TMEM40: variants seen among roughly 807,000 people sequenced by gnomAD.
The protein encoded by TMEM40 is transmembrane protein 40.
In TMEM40, 34 loss-of-function variants were observed where a neutral mutation model predicts 40.8. That is an observed-to-expected ratio of 0.83 (90% CI 0.63 to 1.11). TMEM40 has a LOEUF of 1.11. TMEM40 is among the 50% of genes least tolerant of loss of function. TMEM40 has a pLI of 0.00. For missense variants in TMEM40, 296 were observed against 280.2 expected (o/e 1.06, Z -0.40); for synonymous variants, 106 against 107.0 (o/e 0.99, Z 0.06).
At chr3:12,747,286 A>T (rs2061436644) in intron 3 of TMEM40, among the ~76,000 whole-genome samples, 1 of 151,872 alleles carries the variant, frequency 6.6e-6, no homozygotes, top group East Asian at 1.9e-4. Flanking sequence ...GCTCTGGTTG[A>T]GGAGGATTAG....
At chr3:12,742,541 C>G (rs777828416) in intron 4 of TMEM40, 34 bp from the exon 5 acceptor site, 3 of 1,610,914 alleles carry the variant, frequency 1.9e-6, no homozygotes, top group South Asian at 2.2e-5. Flanking sequence ...TCAGCACTCC[C>G]CAAACACAGT....
chr3:12,737,782 T>A, intron 7 of TMEM40, 28 bp from the exon 8 acceptor site: 1 of 1,606,798 alleles, frequency 6.2e-7, no homozygotes, highest in South Asian at 1.1e-5. Context: ...GATGAATATT[T>A]AACTTTGATG....
intron 1 of TMEM40, among the ~76,000 whole-genome samples, chr3:12,766,536 A>G (rs2061595299): frequency 6.6e-6 from 1 of 151,356 alleles, no homozygotes; most frequent in African/African-American, 2.4e-5. Flanking sequence ...TGGAGCTTGC[A>G]GTGAGCCGAG....
Position 12,734,487 on chromosome 3 carries a change from C to T in TMEM40, c.*287G>A, listed in dbSNP as rs1415193203. ...CCTTGCTGTCCTCTGAGAGCAGTGA[C>T]CTCCCAGAATCTTCCTGCTGGTCCA... On this transcript the variant is annotated 3_prime_UTR_variant, in exon 12 of 12. Transcript: ENST00000314124. 2.2e-6 allele frequency: 1 copy of T among 451,032 alleles called. No individual in the cohort carries two copies. Among genetic ancestry groups the T allele is most frequent in the Non-Finnish European group, 4.0e-6 (1 of 247,326 alleles). 27.9% of individuals were successfully genotyped at this position (451,032 alleles called of 1,614,324 possible).
chr3:12,748,299 G>C (rs1234677708), intron 3 of TMEM40, among the ~76,000 whole-genome samples: 4 of 152,192 alleles, frequency 2.6e-5, no homozygotes, highest in Admixed American at 2.6e-4. Context: ...TGTAACACAC[G>C]CTTTGACTAT....
In TMEM40 at chr3:12,734,805, A is replaced by C; in HGVS notation, c.683-12T>G. The C allele has an allele frequency of 6.3e-7, 1 of 1,597,960 alleles. No individual in the cohort carries two copies. Among genetic ancestry groups the C allele is most frequent in the South Asian group, 1.1e-5 (1 of 88,088 alleles). Reference sequence around the variant, plus strand: ...AGTCTTCCTGAACCCTGGAAGGCAAAGACCACAGGATGGCATGGGATTCTG... The same window carrying C: ...AGTCTTCCTGAACCCTGGAAGGCAACGACCACAGGATGGCATGGGATTCTG... On this transcript the variant is annotated splice_polypyrimidine_tract_variant and intron_variant, in intron 11 of 11. Transcript: ENST00000314124.
At chr3:12,765,566 CTT>C (rs530745103) in intron 1 of TMEM40, among the ~76,000 whole-genome samples, 24,536 of 125,776 alleles carry the variant, frequency 0.2, 3,552 homozygotes, top group African/African-American at 0.47. Flanking sequence ...TGTTTGATTA[CTT>C]TTTTTTTTTT....
intron 1 of TMEM40, among the ~76,000 whole-genome samples, chr3:12,754,494 C>A (rs544571403): frequency 3.2e-4 from 49 of 152,328 alleles, no homozygotes; most frequent in African/African-American, 1.1e-3. Context: ...AGTAGGTGCA[C>A]AACCAATGTT....
At chr3:12,751,539 A>G (rs2061476331) in intron 1 of TMEM40, among the ~76,000 whole-genome samples, 1 of 151,742 alleles carries the variant, frequency 6.6e-6, no homozygotes, top group Non-Finnish European at 1.5e-5. Flanking sequence ...TGACCTCCCA[A>G]AGTGCTGGGA....
At chr3:12,746,608 C>T (rs1266454789) in intron 3 of TMEM40, among the ~76,000 whole-genome samples, 1 of 152,144 alleles carries the variant, frequency 6.6e-6, no homozygotes, top group East Asian at 1.9e-4. Flanking sequence ...TCTAGGGTAG[C>T]GGGTCACTGT....
chr3:12,757,187 T>A (rs2061535450), intron 1 of TMEM40, among the ~76,000 whole-genome samples: 1 of 152,064 alleles, frequency 6.6e-6, no homozygotes, highest in Non-Finnish European at 1.5e-5. Flanking sequence ...ATGCTTCACA[T>A]CACTGGGTGC....
intron 1 of TMEM40, among the ~76,000 whole-genome samples, chr3:12,751,742 T>A (rs963736742): frequency 6.6e-6 from 1 of 152,110 alleles, no homozygotes; most frequent in African/African-American, 2.4e-5. Flanking sequence ...ACGCAACAGG[T>A]GACTAGTACA....
chr3:12,735,931 G>T (rs890260653), intron 10 of TMEM40, among the ~76,000 whole-genome samples: 1 of 152,138 alleles, frequency 6.6e-6, no homozygotes, highest in East Asian at 1.9e-4. Context: ...GTCTTGCTAT[G>T]TTGCCCAGGC....
At chr3:12,758,306 C>A (rs2061544218) in intron 1 of TMEM40, among the ~76,000 whole-genome samples, 2 of 152,198 alleles carry the variant, frequency 1.3e-5, no homozygotes, top group South Asian at 4.1e-4. Flanking sequence ...AACACACACT[C>A]CTGACTCCTT....
At chr3:12,735,452 C>T (rs2061330304) in intron 11 of TMEM40, 103 bp downstream of exon 11, 3 of 1,219,356 alleles carry the variant, frequency 2.5e-6, no homozygotes, top group Non-Finnish European at 3.6e-6. Flanking sequence ...AACCTGGGTC[C>T]TCTGCCTCCA....
At chr3:12,767,761 C>T (rs971772536) in intron 1 of TMEM40, among the ~76,000 whole-genome samples, 1 of 152,090 alleles carries the variant, frequency 6.6e-6, no homozygotes, top group Non-Finnish European at 1.5e-5. Context: ...CTGGACTTAA[C>T]AAAGAGGCAA....
Position 12,737,579 on chromosome 3 carries a change from T to C in TMEM40, c.472+128A>G, listed in dbSNP as rs1481390630. 3 of 818,966 alleles carry C rather than the reference T, an allele frequency of 3.7e-6. No individual in the cohort carries two copies. The African/African-American group carries it at 5.1e-5, about 14-fold the overall frequency. 50.7% of individuals were successfully genotyped at this position (818,966 alleles called of 1,614,324 possible). On this transcript the variant is annotated intron_variant, in intron 8 of 11. Coordinates refer to ENST00000314124, the MANE Select transcript of TMEM40 (RefSeq NM_018306.4). Reference sequence around the variant, plus strand: ...GTTGAGGTGATTCTGAGCTGAGTAATGTGTAAACTGCAGGGCACACGACAG... The same window carrying C: ...GTTGAGGTGATTCTGAGCTGAGTAACGTGTAAACTGCAGGGCACACGACAG...
chr3:12,737,703 T>A lies in TMEM40; in HGVS notation c.472+4A>T. 2 of 1,614,050 alleles carry A rather than the reference T, an allele frequency of 1.2e-6. No individual in the cohort carries two copies. Among genetic ancestry groups the A allele is most frequent in the Non-Finnish European group, 1.7e-6 (2 of 1,179,914 alleles). ...AAGCAGCTCTGCTACACCAAGTTCC[T>A]TACCATCTTTCTTTATATTCAGTCT... On this transcript the variant is annotated splice_donor_region_variant and intron_variant, in intron 8 of 11. Coordinates refer to ENST00000314124, the MANE Select transcript of TMEM40 (RefSeq NM_018306.4).
upstream of TMEM40, among the ~76,000 whole-genome samples, chr3:12,764,184 T>C (rs2061584634): frequency 6.6e-6 from 1 of 152,128 alleles, no homozygotes; most frequent in South Asian, 2.1e-4. Context: ...AAAGTGTTGG[T>C]ATTACAGGTG....
Sources: gnomAD v4.1 joint callset for allele counts (sites outside exome capture counted in the v4.1 genomes callset) on GRCh38, gnomAD v4.1.1 for gene constraint, MANE v1.5 for transcripts, NCBI Gene and HGNC (gene_info 2026-07-23, HGNC 2026-07-21) for gene names.